ZFHX3: variants seen among roughly 807,000 people sequenced by gnomAD.
ZFHX3 encodes zinc finger homeobox 3.
ZFHX3 carries 42 observed loss-of-function variants against 279.1 expected under a neutral mutation model. That is an observed-to-expected ratio of 0.15 (90% CI 0.12 to 0.19). ZFHX3 has a LOEUF of 0.19. Ranked by LOEUF, ZFHX3 falls within the 10% of genes least tolerant of loss-of-function variation. The probability of loss-of-function intolerance (pLI) is 1.00; values close to 1 mark genes in which losing one functional copy is unlikely to be tolerated. For missense variants in ZFHX3, 4,981 were observed against 4,754.0 expected, an observed-to-expected ratio of 1.05 and a Z score of -1.40; for synonymous variants, 2,293 against 1,957.8, an observed-to-expected ratio of 1.17 and a Z score of -4.52.
At chr16:73,184,598 G>A (rs1483776746) in intron 5 of ZFHX3, among the ~76,000 whole-genome samples, 1 of 152,108 alleles carries the variant, frequency 6.6e-6, no homozygotes, top group African/African-American at 2.4e-5. Context: ...CTCTTCCTGG[G>A]AAAAACCTTC....
chr16:72,783,542 T>C lies in ZFHX3; in HGVS notation c.*3622A>G, dbSNP rs1015528320. 2.6e-5 allele frequency: 4 copies of C among 152,626 alleles called. No homozygotes were observed. The highest frequency in any genetic ancestry group is 1.3e-4 in the Admixed American group (2 of 15,278). 9.5% of individuals were successfully genotyped at this position (152,626 alleles called of 1,614,324 possible). A position where few individuals can be genotyped will look rare whatever the true frequency, so the allele number is the denominator to read the frequency against. On this transcript the variant is annotated 3_prime_UTR_variant, in exon 10 of 10. Coordinates refer to ENST00000268489, the MANE Select transcript of ZFHX3 (RefSeq NM_006885.4). ...GCCGTCTGTTTTACTTTATTTTCAA[T>C]TGTGTAAAACTTTGGCCACATTCAT... is the stretch of plus-strand genomic sequence containing the variant.
chr16:73,375,101 T>C (rs1017669817), intron 3 of ZFHX3, among the ~76,000 whole-genome samples: 1 of 152,230 alleles, frequency 6.6e-6, no homozygotes, highest in African/African-American at 2.4e-5. Context: ...TCCTTTTTAA[T>C]AAAGCTGGAA....
At chr16:73,300,882 C>T (rs2015040875) in intron 4 of ZFHX3, among the ~76,000 whole-genome samples, 1 of 152,206 alleles carries the variant, frequency 6.6e-6, no homozygotes, top group Non-Finnish European at 1.5e-5. Context: ...GTGTCCAGCA[C>T]ATTGATGCTG....
intron 4 of ZFHX3, among the ~76,000 whole-genome samples, chr16:73,262,156 C>A (rs2013844921): frequency 6.6e-6 from 1 of 152,094 alleles, no homozygotes. Context: ...TGAATTTAAT[C>A]AATATTTGTG....
At position 72,796,201 on chromosome 16, in the gene ZFHX3, G is replaced by T. The variant is rs549883293; in HGVS notation, c.6481C>A (p.Arg2161=). ...GAGTTGTTAATGTCAAAATATTGCC[G>T]CAAGACTCGGAGCTGATCATCTGTG... ...RITDDQLRVL[R]QYFDINNSPS... is the part of the protein sequence containing the mutation. Residue 2161 remains arginine (R), a synonymous_variant, in exon 9 of 10, where the codon CGG becomes AGG. Coordinates refer to ENST00000268489, the MANE Select transcript of ZFHX3 (RefSeq NM_006885.4). 3.7e-6 allele frequency: 6 copies of T among 1,614,002 alleles called. No individual in the cohort carries two copies. The highest frequency in any genetic ancestry group is 8.5e-7 in the Non-Finnish European group (1 of 1,180,018).
At chr16:73,866,169 ATTTTTTTTTTTTTT>A (rs34324522) in intron 1 of ZFHX3, among the ~76,000 whole-genome samples, 2 of 74,626 alleles carry the variant, frequency 2.7e-5, no homozygotes, top group Non-Finnish European at 5.1e-5. Context: ...TGCCAGGCTA[ATTTTTTTTTTTTTT>A]TTTTTTTTTT....
intron 6 of ZFHX3, among the ~76,000 whole-genome samples, chr16:73,133,985 A>G (rs1966742888): frequency 2.0e-5 from 3 of 152,194 alleles, no homozygotes; most frequent in African/African-American, 4.8e-5. Context: ...GATACTTATT[A>G]TGTGCCAAAT....
At chr16:72,806,366 C>T (rs374524882) in intron 7 of ZFHX3, among the ~76,000 whole-genome samples, 10 of 152,024 alleles carry the variant, frequency 6.6e-5, no homozygotes, top group Admixed American at 2.6e-4. Flanking sequence ...TACACGTGTG[C>T]GCAGAGAGGT....
chr16:73,202,772 C>T (rs928414910), intron 5 of ZFHX3, among the ~76,000 whole-genome samples: 1 of 152,096 alleles, frequency 6.6e-6, no homozygotes, highest in Non-Finnish European at 1.5e-5. Context: ...CTCTCTGGAA[C>T]GACCACCTCC....
chr16:73,299,532 G>C (rs936178798), intron 4 of ZFHX3, among the ~76,000 whole-genome samples: 3 of 152,138 alleles, frequency 2.0e-5, no homozygotes, highest in African/African-American at 7.2e-5. Flanking sequence ...ATCACCTAAT[G>C]AATGTGGCGA....
chr16:73,873,273 G>GTGA (rs2029873697), intron 1 of ZFHX3, among the ~76,000 whole-genome samples: 1 of 132,478 alleles, frequency 7.5e-6, no homozygotes, highest in Non-Finnish European at 1.6e-5. Flanking sequence ...GGTGGTGGTG[G>GTGA]TGGGTGGTGG....
At chr16:72,833,149 G>C (rs2037104630) in intron 4 of ZFHX3, among the ~76,000 whole-genome samples, 1 of 152,202 alleles carries the variant, frequency 6.6e-6, no homozygotes, top group Non-Finnish European at 1.5e-5. Flanking sequence ...CTGGGGAAGG[G>C]CTTGGTCTCC....
At chr16:73,004,457 T>A (rs1158101213) in intron 1 of ZFHX3, among the ~76,000 whole-genome samples, 1 of 151,090 alleles carries the variant, frequency 6.6e-6, no homozygotes, top group East Asian at 2.0e-4. Context: ...GCCTCCCAAG[T>A]AGCTGGGATT....
intron 1 of ZFHX3, among the ~76,000 whole-genome samples, chr16:73,733,697 G>C (rs564245926): frequency 1.7e-4 from 26 of 151,960 alleles, no homozygotes; most frequent in Admixed American, 3.9e-4. Flanking sequence ...AATTTTAGTT[G>C]CGTTTTGTTC....
intron 2 of ZFHX3, among the ~76,000 whole-genome samples, chr16:73,546,734 C>T (rs1167236060): frequency 2.4e-5 from 3 of 124,302 alleles, no homozygotes; most frequent in Non-Finnish European, 3.4e-5. Flanking sequence ...GCTGCTGCTG[C>T]TGTTGCTTCT....
chr16:73,436,970 G>A (rs1291853394), intron 3 of ZFHX3, among the ~76,000 whole-genome samples: 1 of 152,176 alleles, frequency 6.6e-6, no homozygotes, highest in Non-Finnish European at 1.5e-5. Context: ...AGCTGGTCTT[G>A]CTTCTCTTAG....
At chr16:73,077,215 T>G (rs1965894976) in intron 8 of ZFHX3, among the ~76,000 whole-genome samples, 2 of 152,214 alleles carry the variant, frequency 1.3e-5, no homozygotes, top group South Asian at 4.1e-4. Flanking sequence ...ATATAGATTA[T>G]ATTGATCATT....
chr16:73,749,569 A>G (rs1288756325), intron 1 of ZFHX3, among the ~76,000 whole-genome samples: 1 of 152,200 alleles, frequency 6.6e-6, no homozygotes, highest in Non-Finnish European at 1.5e-5. Flanking sequence ...AAACCCCAAA[A>G]GAGATACAGA....
intron 7 of ZFHX3, chr16:73,127,067 AAG>A: frequency 4.0e-6 from 1 of 250,328 alleles, no homozygotes; most frequent in South Asian, 4.4e-5. Flanking sequence ...CAGCTTGTCT[AAG>A]AGACGGGGTG....
Sources: allele counts gnomAD v4.1 joint callset (sites outside exome capture counted in the v4.1 genomes callset), GRCh38; gene constraint gnomAD v4.1.1; transcripts MANE v1.5; gene names NCBI Gene and HGNC (gene_info 2026-07-23, HGNC 2026-07-21).